SSB: variants seen among roughly 807,000 people sequenced by gnomAD.
SSB encodes lupus La protein.
SSB carries 17 observed loss-of-function variants against 52.9 expected under a neutral mutation model. The observed-to-expected ratio is 0.32, with a 90% CI of 0.22 to 0.48. The LOEUF is 0.48. Ranked by LOEUF, SSB falls within the 20% of genes least tolerant of loss-of-function variation. The probability of loss-of-function intolerance (pLI) is 0.99; values close to 1 mark genes in which losing one functional copy is unlikely to be tolerated. For missense variants in SSB, 314 were observed against 463.6 expected (o/e 0.68, Z 2.96); for synonymous variants, 111 against 152.1 (o/e 0.73, Z 1.99).
At position 169,808,917 on chromosome 2, in the gene SSB, C is replaced by G; in HGVS notation, c.669+15C>G. On this transcript the variant is annotated intron_variant, in intron 8 of 11. Transcript: ENST00000260956. The stretch of plus-strand genomic sequence containing the variant: ...ATGCTGAAATGGTAAGTATATATTA[C>G]TGCTATCTAGTACATCTGTAATTCG... 6.3e-7 allele frequency: 1 copy of G among 1,590,668 alleles called. No homozygotes were observed. Among genetic ancestry groups the G allele is most frequent in the South Asian group, 1.1e-5 (1 of 90,564 alleles).
chr2:169,804,552 C>A (rs1268483545), intron 2 of SSB, among the ~76,000 whole-genome samples: 3 of 151,732 alleles, frequency 2.0e-5, no homozygotes, highest in Non-Finnish European at 2.9e-5. Context: ...CCTGGCCCCC[C>A]ACCCCCTTTT....
intron 2 of SSB, among the ~76,000 whole-genome samples, chr2:169,801,461 T>C (rs564478564): frequency 6.6e-6 from 1 of 151,996 alleles, no homozygotes; most frequent in East Asian, 1.9e-4. Context: ...TTGATGATCT[T>C]AGTTTTTTTC....
At chr2:169,810,677 G>GT (rs759532027) in intron 9 of SSB, 181 bp from the exon 10 acceptor site, 26 of 676,992 alleles carry the variant, frequency 3.8e-5, no homozygotes, top group Non-Finnish European at 6.2e-5. Context: ...ATGAATAACT[G>GT]TTCATACTGA....
Position 169,811,920 on chromosome 2 carries a change from T to C in SSB, c.*164T>C. 6.5e-7 allele frequency: 1 copy of C among 1,537,860 alleles called. No homozygotes were observed. Among genetic ancestry groups the C allele is most frequent in the Non-Finnish European group, 9.0e-7 (1 of 1,117,254 alleles). ...GTCTTTTTGTTATGCAAATGAGATTTCTTTGAATGTATTGTTCTGTTTGTG... is the reference window on the plus strand; with the variant it reads ...GTCTTTTTGTTATGCAAATGAGATTCCTTTGAATGTATTGTTCTGTTTGTG... On this transcript the variant is annotated 3_prime_UTR_variant, in exon 12 of 12. Transcript: ENST00000260956.
chr2:169,801,571 G>C (rs1344186307), intron 2 of SSB, among the ~76,000 whole-genome samples: 1 of 133,516 alleles, frequency 7.5e-6, no homozygotes, highest in East Asian at 2.3e-4. Context: ...CTGGAGTGCA[G>C]TGGCACTATC....
intron 4 of SSB, chr2:169,806,541 C>A: frequency 2.9e-6 from 1 of 347,852 alleles, no homozygotes; most frequent in East Asian, 5.0e-5. Context: ...ACAGAACATG[C>A]AAATCATCTT....
At position 169,811,877 on chromosome 2, in the gene SSB, T is replaced by A. The variant is rs768611012; in HGVS notation, c.*121T>A. On this transcript the variant is annotated 3_prime_UTR_variant, in exon 12 of 12. Transcript: ENST00000260956. Reference sequence around the variant, plus strand: ...TGTCCACCTGTGAGAAAGGAAAAATTTTTTTGTTGTTTAACTTGTCTTTTT... The same window carrying A: ...TGTCCACCTGTGAGAAAGGAAAAATATTTTTGTTGTTTAACTTGTCTTTTT... 1 of 1,612,030 alleles carries A rather than the reference T, an allele frequency of 6.2e-7. No individual in the cohort carries two copies.
At chr2:169,806,058 C>G in intron 4 of SSB, 1 of 566,172 alleles carries the variant, frequency 1.8e-6, no homozygotes, top group Non-Finnish European at 3.3e-6. Context: ...GCAGTCTTGA[C>G]CTCCTGGGCT....
In SSB at chr2:169,803,230, A is replaced by AT. The variant is rs566330641; in HGVS notation, c.66+2214dup. Among the ~76,000 whole-genome samples the AT allele has an allele frequency of 2.5e-4, 37 of 149,158 alleles. No individual in the cohort carries two copies. In the East Asian group the frequency reaches 3.3e-3, roughly 13 times the overall value. ...TTGATTAACAATGAAATGAGGTTGG[A>AT]TTTTTTTTTTAGTTTACAGTACATT... is the stretch of plus-strand genomic sequence containing the variant. On this transcript the variant is annotated intron_variant, in intron 2 of 11. Transcript: ENST00000260956.
chr2:169,807,126 A>G, intron 6 of SSB, 55 bp downstream of exon 6: 2 of 1,431,214 alleles, frequency 1.4e-6, no homozygotes, highest in Non-Finnish European at 2.0e-6. Context: ...GACACACACT[A>G]GGGTAAGGAG....
In SSB at chr2:169,802,366, C is replaced by G. The variant is rs116385502; in HGVS notation, c.66+1340C>G. 6.7e-3 allele frequency among the ~76,000 whole-genome samples: 1,013 copies of G among 150,990 alleles called. 9 individuals are homozygous for G. Among genetic ancestry groups the G allele is most frequent in the African/African-American group, 0.023 (956 of 41,172 alleles). On this transcript the variant is annotated intron_variant, in intron 2 of 11. Coordinates refer to ENST00000260956, the MANE Select transcript of SSB (RefSeq NM_003142.5). The stretch of plus-strand genomic sequence containing the variant: ...AAACTTAGGTTCTTGCTAAGAACCC[C>G]TCAGATCATATTGTTTGGTGTGGGG...
rs1442496649 is a variant in SSB at position 169,798,924 on chromosome 2, C to T, written c.-62C>T. On this transcript the variant is annotated 5_prime_UTR_variant, in exon 1 of 12. Transcript: ENST00000260956. Reference sequence around the variant, plus strand: ...GCGGCGCTGGGAGGTGGAGTCGTTGCTGTTGCTGTTTGTGAGCCTGTGGCG... The same window carrying T: ...GCGGCGCTGGGAGGTGGAGTCGTTGTTGTTGCTGTTTGTGAGCCTGTGGCG... 1.3e-5 allele frequency: 2 copies of T among 150,004 alleles called. No homozygotes were observed. The highest frequency in any genetic ancestry group is 2.4e-5 in the African/African-American group (1 of 40,878). 9.3% of individuals were successfully genotyped at this position (150,004 alleles called of 1,614,324 possible). A position where few individuals can be genotyped will look rare whatever the true frequency, so the allele number is the denominator to read the frequency against.
chr2:169,810,732 TA>T (rs1162390633), intron 9 of SSB, 125 bp from the exon 10 acceptor site: 2 of 932,882 alleles, frequency 2.1e-6, no homozygotes, highest in Non-Finnish European at 3.2e-6. Context: ...TACTGTTCAG[TA>T]AAATTCATTC....
chr2:169,800,840 GA>G (rs1453467188), intron 1 of SSB, 111 bp from the exon 2 acceptor site: 14 of 732,178 alleles, frequency 1.9e-5, no homozygotes, highest in Non-Finnish European at 2.8e-5. Flanking sequence ...CGTGAAAATA[GA>G]AATTCTTGAT....
At chr2:169,811,344 T>C in intron 11 of SSB, 21 bp downstream of exon 11, 1 of 1,538,566 alleles carries the variant, frequency 6.5e-7, no homozygotes, top group Non-Finnish European at 8.7e-7. Flanking sequence ...TTTAAGTCCT[T>C]TGGTAGTTTC....
At chr2:169,803,542 G>T (rs554125466) in intron 2 of SSB, among the ~76,000 whole-genome samples, 1 of 152,034 alleles carries the variant, frequency 6.6e-6, no homozygotes, top group African/African-American at 2.4e-5. Flanking sequence ...GAGCTATTGC[G>T]CTTGGCCTAT....
rs973467825 is a variant in SSB, at chr2:169,800,489, G to T, written c.-9-463G>T. 1.1e-4 allele frequency among the ~76,000 whole-genome samples: 14 copies of T among 123,472 alleles called. No homozygotes were observed. In the Admixed American group the frequency reaches 1.5e-3, roughly 13 times the overall value. 81.0% of individuals were successfully genotyped at this position (123,472 alleles called of 152,430 possible). A position where few individuals can be genotyped will look rare whatever the true frequency, so the allele number is the denominator to read the frequency against. ...GCAGAGGTTGCAGTGAGCCGAGATC[G>T]CACCATTGCACTCCAGCCTGGGCAA... is the stretch of plus-strand genomic sequence containing the variant. On this transcript the variant is annotated intron_variant, in intron 1 of 11. Transcript: ENST00000260956.
At chr2:169,806,927 A>G (rs1689841288) in intron 5 of SSB, 35 bp downstream of exon 5, 5 of 1,609,356 alleles carry the variant, frequency 3.1e-6, no homozygotes, top group South Asian at 2.2e-5. Flanking sequence ...GTTTTAAAAT[A>G]TATGGGACAT....
At chr2:169,805,392 CAG>C in intron 2 of SSB, 80 bp from the exon 3 acceptor site, 1 of 956,720 alleles carries the variant, frequency 1.0e-6, no homozygotes, top group Non-Finnish European at 1.6e-6. Context: ...TTTTAAATAA[CAG>C]AACTTGGTAC....
Sources: allele counts gnomAD v4.1 joint callset (sites outside exome capture counted in the v4.1 genomes callset), GRCh38; gene constraint gnomAD v4.1.1; transcripts MANE v1.5; gene names NCBI Gene and HGNC (gene_info 2026-07-23, HGNC 2026-07-21).